The following GPATCH8 variants were observed in gnomAD, a reference collection of about 807,000 sequenced individuals.
GPATCH8 encodes G patch domain-containing protein 8.
A neutral mutation model predicts 118.3 loss-of-function variants in GPATCH8; 18 were observed. That is an observed-to-expected ratio of 0.15 (90% CI 0.11 to 0.23). GPATCH8 has a LOEUF of 0.23. Among genes scored for constraint, GPATCH8 ranks in the 10% least tolerant of loss-of-function variants. The pLI, the probability that GPATCH8 is intolerant of heterozygous loss-of-function variation, is 1.00. For synonymous variants in GPATCH8, 659 were observed against 684.7 expected (o/e 0.96, Z 0.59); for missense variants, 1,631 against 1,873.8 (o/e 0.87, Z 2.39).
chr17:44,455,203 C>G (rs552329589), intron 3 of GPATCH8, among the ~76,000 whole-genome samples: 22 of 152,166 alleles, frequency 1.4e-4, no homozygotes, highest in African/African-American at 5.3e-4. Context: ...CCAAAACTTT[C>G]CATTTATAAA....
intron 3 of GPATCH8, among the ~76,000 whole-genome samples, chr17:44,453,509 G>A (rs1173922448): frequency 6.7e-6 from 1 of 150,096 alleles, no homozygotes; most frequent in African/African-American, 2.5e-5. Flanking sequence ...GGGTGTGTGT[G>A]TGTGTGTGTG....
intron 1 of GPATCH8, among the ~76,000 whole-genome samples, chr17:44,491,402 G>A (rs8074093): frequency 4.0e-5 from 6 of 150,040 alleles, no homozygotes; most frequent in African/African-American, 1.5e-4. Flanking sequence ...AGCAGAGAAC[G>A]ACTTGAATCT....
chr17:44,398,064 T>C lies in GPATCH8; in HGVS notation c.4013A>G (p.Lys1338Arg). Residue 1338 changes from lysine to arginine, a missense_variant, in exon 8 of 8, where the codon AAG becomes AGG. Around this residue, in one of 8 missense-constraint regions of GPATCH8, gnomAD observed 111 missense variants for 112.4 expected, o/e 0.99. Coordinates refer to ENST00000591680, the MANE Select transcript of GPATCH8 (RefSeq NM_001002909.4). ...TGAGGCTGGAAAGGCCTTTACTTGC[T>C]TGGCCAGAAGCTGCTGCTGGATGTG... ...QQHIQQQLLA[K>R]QVKAFPASAA... The C allele has an allele frequency of 6.2e-7, 1 of 1,614,048 alleles. No individual in the cohort carries two copies. Among genetic ancestry groups the C allele is most frequent in the African/African-American group, 1.3e-5 (1 of 75,022 alleles).
intron 6 of GPATCH8, among the ~76,000 whole-genome samples, chr17:44,423,768 G>A (rs1424066852): frequency 6.6e-6 from 1 of 152,116 alleles, no homozygotes; most frequent in Non-Finnish European, 1.5e-5. Context: ...GGGTGGCGGC[G>A]GGGGAGGGGG....
intron 3 of GPATCH8, among the ~76,000 whole-genome samples, chr17:44,443,078 A>G (rs1442268678): frequency 6.6e-6 from 1 of 152,180 alleles, no homozygotes; most frequent in African/African-American, 2.4e-5. Context: ...ACCTTGTCGA[A>G]AAAGAGAAAA....
chr17:44,439,003 T>C (rs1339141510), intron 3 of GPATCH8, among the ~76,000 whole-genome samples: 2 of 152,136 alleles, frequency 1.3e-5, no homozygotes, highest in Non-Finnish European at 2.9e-5. Flanking sequence ...TAGTTTCCAA[T>C]CTTTCATTTA....
intron 3 of GPATCH8, among the ~76,000 whole-genome samples, chr17:44,448,785 A>T (rs1381899252): frequency 3.9e-5 from 6 of 152,080 alleles, no homozygotes; most frequent in Non-Finnish European, 7.4e-5. Context: ...ATAAAAAAAA[A>T]AAAATAAACA....
intron 6 of GPATCH8, among the ~76,000 whole-genome samples, chr17:44,411,302 G>T (rs889996795): frequency 6.6e-6 from 1 of 152,172 alleles, no homozygotes; most frequent in Admixed American, 6.6e-5. Flanking sequence ...GCTCAACTGT[G>T]ATTGAGTTGA....
intron 1 of GPATCH8, among the ~76,000 whole-genome samples, chr17:44,488,212 C>T (rs1357039327): frequency 3.6e-5 from 5 of 140,084 alleles, no homozygotes; most frequent in East Asian, 2.2e-4. Flanking sequence ...CATGAGCCAC[C>T]GTGCCTGACC....
rs1567921297 is a variant in GPATCH8, at chr17:44,398,162, C to T, written c.3915G>A (p.Leu1305=). The T allele has an allele frequency of 5.0e-6, 8 of 1,613,484 alleles. No homozygotes were observed. Among genetic ancestry groups the T allele is most frequent in the Non-Finnish European group, 6.8e-6 (8 of 1,179,586 alleles). The change falls in exon 8 of 8, where the codon CTG becomes CTA. Residue 1305 remains leucine, a synonymous_variant. Transcript: ENST00000591680. ...DGAEDASLAP[L]ESQPITFTPE... ...GGGTGAAGGTGATGGGCTGGCTTTC[C>T]AGGGGGGCCAGTGAAGCATCCTCAG...
chr17:44,403,562 C>T (rs936722751), intron 7 of GPATCH8, among the ~76,000 whole-genome samples: 1 of 152,132 alleles, frequency 6.6e-6, no homozygotes, highest in African/African-American at 2.4e-5. Context: ...GTACACTATA[C>T]CCTTAAATTC....
rs753146549 is a variant in GPATCH8, at chr17:44,399,331, A to G, written c.2746T>C (p.Tyr916His). 1.2e-6 allele frequency: 2 copies of G among 1,614,048 alleles called. No individual in the cohort carries two copies. Among genetic ancestry groups the G allele is most frequent in the South Asian group, 2.2e-5 (2 of 91,082 alleles). The change falls in exon 8 of 8, where the codon TAT becomes CAT. Residue 916 changes from tyrosine (Y) to histidine (H), a missense_variant. Around this residue, in one of 8 missense-constraint regions of GPATCH8, gnomAD observed 922 missense variants for 879.7 expected, o/e 1.05. Coordinates refer to ENST00000591680, the MANE Select transcript of GPATCH8 (RefSeq NM_001002909.4). ...KRSHDSDDSD[Y>H]ASSKHRSKRH... ...TTTGATCGGTGTTTGGAGCTGGCAT[A>G]GTCTGAGTCATCTGAGTCATGGGAG... is the stretch of plus-strand genomic sequence containing the variant.
intron 6 of GPATCH8, among the ~76,000 whole-genome samples, chr17:44,421,731 TTC>T (rs2049911114): frequency 6.7e-6 from 1 of 150,180 alleles, no homozygotes; most frequent in Non-Finnish European, 1.5e-5. Context: ...TTTTTCTTTT[TTC>T]TTTTTTTTTT....
chr17:44,485,598 A>G (rs1275172640), intron 1 of GPATCH8, among the ~76,000 whole-genome samples: 1 of 152,102 alleles, frequency 6.6e-6, no homozygotes, highest in Non-Finnish European at 1.5e-5. Context: ...AGCCTCTAAT[A>G]AAGTTTTTAA....
At chr17:44,448,038 G>A (rs1311441494) in intron 3 of GPATCH8, among the ~76,000 whole-genome samples, 1 of 152,072 alleles carries the variant, frequency 6.6e-6, no homozygotes, top group Admixed American at 6.6e-5. Flanking sequence ...CTGCCTCCCA[G>A]GTTCAAGCGA....
chr17:44,481,186 C>T lies in GPATCH8; in HGVS notation c.46-6283G>A, dbSNP rs114092728. 9.8e-3 allele frequency among the ~76,000 whole-genome samples: 1,496 copies of T among 152,246 alleles called. 17 individuals carry two copies. Among genetic ancestry groups the T allele is most frequent in the African/African-American group, 0.034 (1,417 of 41,540 alleles). The stretch of plus-strand genomic sequence containing the variant: ...CCTCCCGAAGTGCTGGGATTACAGG[C>T]GTGAGCCCTCCTCTGATAAAATTTC... On this transcript the variant is annotated intron_variant, in intron 1 of 7. Coordinates refer to ENST00000591680, the MANE Select transcript of GPATCH8 (RefSeq NM_001002909.4).
intron 2 of GPATCH8, among the ~76,000 whole-genome samples, chr17:44,471,783 T>C (rs1967297110): frequency 6.6e-6 from 1 of 151,830 alleles, no homozygotes; most frequent in African/African-American, 2.4e-5. Context: ...TTCTTTTGTT[T>C]GGTGGGAGGG....
In GPATCH8 at chr17:44,399,492, G is replaced by A. The variant is rs1283412128; in HGVS notation, c.2585C>T (p.Ser862Leu). 15 of 1,614,078 alleles carry A rather than the reference G, an allele frequency of 9.3e-6. 1 individual carries two copies. The highest frequency in any genetic ancestry group is 6.6e-5 in the South Asian group (6 of 91,092). The change falls in exon 8 of 8, where the codon TCG becomes TTG. Residue 862 changes from serine (S) to leucine (L), a missense_variant. By Grantham distance (145) the Ser-to-Leu change is moderately radical. Around this residue, in one of 8 missense-constraint regions of GPATCH8, gnomAD observed 922 missense variants for 879.7 expected, o/e 1.05. Transcript: ENST00000591680. ...GTAAGAACGCCGGGAGGAACGATGCGAGGAATGGCGCCGGCCAGACCTTGA... is the reference window on the plus strand; with the variant it reads ...GTAAGAACGCCGGGAGGAACGATGCAAGGAATGGCGCCGGCCAGACCTTGA... ...SRSRSGRRHS[S>L]HRSSRRSYSS... is the part of the protein sequence containing the mutation.
At chr17:44,487,287 T>C (rs1474409029) in intron 1 of GPATCH8, among the ~76,000 whole-genome samples, 4 of 152,204 alleles carry the variant, frequency 2.6e-5, no homozygotes, top group Non-Finnish European at 5.9e-5. Context: ...CTTTCACATA[T>C]TCTTGAATAA....
Sources: gnomAD v4.1 joint callset for allele counts (sites outside exome capture counted in the v4.1 genomes callset) on GRCh38, gnomAD v4.1.1 for gene constraint, gnomAD v4.1.1 regional missense constraint, MANE v1.5 for transcripts, NCBI Gene and HGNC (gene_info 2026-07-23, HGNC 2026-07-21) for gene names.